Variants in MSRA observed in about 807,000 individuals in gnomAD.
The protein encoded by MSRA is mitochondrial peptide methionine sulfoxide reductase.
In MSRA, 54 loss-of-function variants were observed where a neutral mutation model predicts 31.3. That is an observed-to-expected ratio of 1.73 (90% confidence interval 1.39 to 2.17). The LOEUF is 2.17. Among genes scored for constraint, MSRA ranks in the 30% most tolerant of loss-of-function variants. The pLI is 0.00. For missense variants in MSRA, 507 were observed against 300.9 expected (o/e 1.69, Z -5.07); for synonymous variants, 169 against 116.5 (o/e 1.45, Z -2.90).
At chr8:10,321,994 A>C (rs186274408) in intron 5 of MSRA, among the ~76,000 whole-genome samples, 2 of 152,306 alleles carry the variant, frequency 1.3e-5, no homozygotes, top group African/African-American at 4.8e-5. Flanking sequence ...CCATTCTAAA[A>C]ACCTTTTACC....
At chr8:10,108,675 A>G (rs1054049802) in intron 1 of MSRA, among the ~76,000 whole-genome samples, 1 of 152,214 alleles carries the variant, frequency 6.6e-6, no homozygotes, top group African/African-American at 2.4e-5. Context: ...GCTGTTTCCC[A>G]TTAGATTCTG....
intron 3 of MSRA, among the ~76,000 whole-genome samples, chr8:10,259,185 C>A (rs189880736): frequency 1.7e-4 from 26 of 152,168 alleles, no homozygotes; most frequent in Non-Finnish European, 8.8e-5. Context: ...TCTCAATGCC[C>A]TGAAAACAAA....
chr8:10,393,933 GA>G (rs1208068996), intron 5 of MSRA, among the ~76,000 whole-genome samples: 2 of 152,196 alleles, frequency 1.3e-5, no homozygotes, highest in Non-Finnish European at 2.9e-5. Flanking sequence ...GCAGGCACGG[GA>G]TATTTGGTGA....
intron 5 of MSRA, among the ~76,000 whole-genome samples, chr8:10,387,911 A>G (rs184169044): frequency 1.4e-3 from 212 of 152,228 alleles, no homozygotes; most frequent in Non-Finnish European, 2.1e-3. Context: ...GGGCCTTCCA[A>G]TTTCCTGTAA....
chr8:10,300,701 C>T (rs1800796317), intron 3 of MSRA, among the ~76,000 whole-genome samples: 1 of 152,116 alleles, frequency 6.6e-6, no homozygotes, highest in African/African-American at 2.4e-5. Context: ...TTCTTTACTA[C>T]ACATAAGGTG....
chr8:10,096,096 C>T, intron 1 of MSRA: 2 of 1,317,472 alleles, frequency 1.5e-6, no homozygotes, highest in Non-Finnish European at 2.0e-6. Context: ...TAGACATTAA[C>T]TTTTCAAGGA....
At chr8:10,235,700 G>A (rs960718203) in intron 2 of MSRA, among the ~76,000 whole-genome samples, 1 of 152,104 alleles carries the variant, frequency 6.6e-6, no homozygotes, top group Non-Finnish European at 1.5e-5. Context: ...TCTCTCCAAA[G>A]TCCAGGTGCT....
intron 2 of MSRA, among the ~76,000 whole-genome samples, chr8:10,218,892 A>C (rs943567074): frequency 6.6e-6 from 1 of 152,230 alleles, no homozygotes; most frequent in African/African-American, 2.4e-5. Flanking sequence ...AACAGATTTG[A>C]GTAAAGCAAG....
At chr8:10,314,446 G>C (rs1382577831) in intron 4 of MSRA, among the ~76,000 whole-genome samples, 1 of 152,072 alleles carries the variant, frequency 6.6e-6, no homozygotes. Context: ...GATCAAGTGA[G>C]ATTCCATTAC....
intron 5 of MSRA, chr8:10,337,021 C>G (rs574063437): frequency 6.6e-6 from 1 of 152,296 alleles, no homozygotes; most frequent in South Asian, 2.1e-4. Context: ...GTAAAGACCA[C>G]CAGAGATAAG....
chr8:10,427,452 G>C (rs1809249277), intron 5 of MSRA, among the ~76,000 whole-genome samples: 1 of 152,168 alleles, frequency 6.6e-6, no homozygotes, highest in South Asian at 2.1e-4. Flanking sequence ...CGCAGAGGGT[G>C]GTGATGAGCC....
chr8:10,394,530 C>T (rs936077256), intron 5 of MSRA, among the ~76,000 whole-genome samples: 1 of 152,272 alleles, frequency 6.6e-6, no homozygotes, highest in Non-Finnish European at 1.5e-5. Context: ...TCTATATCAT[C>T]TCACTTGATT....
intron 5 of MSRA, among the ~76,000 whole-genome samples, chr8:10,427,448 G>C (rs202099484): frequency 6.6e-6 from 1 of 152,186 alleles, no homozygotes; most frequent in East Asian, 1.9e-4. Context: ...AGGACGCAGA[G>C]GGTGGTGATG....
At chr8:10,292,886 G>C (rs985369008) in intron 3 of MSRA, among the ~76,000 whole-genome samples, 1 of 152,168 alleles carries the variant, frequency 6.6e-6, no homozygotes, top group African/African-American at 2.4e-5. Context: ...GCCTGGGGAG[G>C]GTGGGGGAAA....
chr8:10,262,231 G>C (rs187073113), intron 3 of MSRA, among the ~76,000 whole-genome samples: 25 of 152,282 alleles, frequency 1.6e-4, no homozygotes, highest in Non-Finnish European at 2.4e-4. Context: ...TAACTCATTT[G>C]GACAAATATT....
intron 5 of MSRA, among the ~76,000 whole-genome samples, chr8:10,349,684 C>T (rs572351225): frequency 1.2e-3 from 184 of 152,306 alleles, no homozygotes; most frequent in African/African-American, 4.2e-3. Flanking sequence ...CGGGGCCTGG[C>T]GCTCCTCGAT....
At chr8:10,337,573 A>G (rs1803134465) in intron 5 of MSRA, 1 of 633,052 alleles carries the variant, frequency 1.6e-6, no homozygotes, top group Admixed American at 2.5e-5. Flanking sequence ...ATCCATGTTC[A>G]AGCAGATTCC....
At chr8:10,377,250 T>C (rs1805807560) in intron 5 of MSRA, among the ~76,000 whole-genome samples, 1 of 152,276 alleles carries the variant, frequency 6.6e-6, no homozygotes, top group Admixed American at 6.5e-5. Context: ...TTAATTACAT[T>C]TGACATTCTT....
chr8:10,268,221 G>A (rs1214820884), intron 3 of MSRA, among the ~76,000 whole-genome samples: 3 of 152,190 alleles, frequency 2.0e-5, no homozygotes, highest in Non-Finnish European at 4.4e-5. Flanking sequence ...GCAGCACACC[G>A]TTCTAGCTAT....
Sources: gnomAD v4.1 joint callset for allele counts (sites outside exome capture counted in the v4.1 genomes callset) on GRCh38, gnomAD v4.1.1 for gene constraint, MANE v1.5 for transcripts, NCBI Gene and HGNC (gene_info 2026-07-23, HGNC 2026-07-21) for gene names.